The following LPIN1 variants were observed in gnomAD, a reference collection of about 807,000 sequenced individuals.
The protein encoded by LPIN1 is lipin 1.
LPIN1 carries 71 observed loss-of-function variants against 107.5 expected under a neutral mutation model. That is an observed-to-expected ratio of 0.66 (90% CI 0.55 to 0.80). LPIN1 has a LOEUF of 0.80. Ranked by LOEUF, LPIN1 falls within the 30% of genes least tolerant of loss-of-function variation. LPIN1 has a pLI of 0.00. For missense variants in LPIN1, 1,043 were observed against 1,160.6 expected (o/e 0.90, Z 1.47); for synonymous variants, 445 against 452.6 (o/e 0.98, Z 0.21).
chr2:11,781,733 G>A (rs932839868), intron 7 of LPIN1, among the ~76,000 whole-genome samples: 1 of 152,194 alleles, frequency 6.6e-6, no homozygotes, highest in Non-Finnish European at 1.5e-5. Flanking sequence ...CCGAGAAGCA[G>A]AGCATGACCA....
chr2:11,690,868 G>A (rs1662233617), intron 1 of LPIN1, among the ~76,000 whole-genome samples: 1 of 151,932 alleles, frequency 6.6e-6, no homozygotes, highest in East Asian at 1.9e-4. Context: ...TCTTTTTAAT[G>A]GAGGTTATTC....
At chr2:11,685,662 C>G (rs1164701167) in intron 1 of LPIN1, among the ~76,000 whole-genome samples, 1 of 152,158 alleles carries the variant, frequency 6.6e-6, no homozygotes, top group Non-Finnish European at 1.5e-5. Flanking sequence ...GTTACCGAGT[C>G]CCCCCAGAGG....
In LPIN1 at chr2:11,802,991, T is replaced by C. The variant is rs200704636; in HGVS notation, c.1971T>C (p.Asn657=). The change falls in exon 15 of 21, where the codon AAT becomes AAC. Residue 657 remains asparagine (N), a synonymous_variant. Coordinates refer to ENST00000674199, the MANE Select transcript of LPIN1 (RefSeq NM_001349206.2). ...CAGGCCACCTCCCTCTTCTGCCTAA[T>C]GTCAGCTACAAGAAGACTCTCCGGC... The part of the protein sequence containing the change: ...SNAGHLPLLP[N]VSYKKTLRLT... 9 of 1,613,148 alleles carry C rather than the reference T, an allele frequency of 5.6e-6. No homozygotes were observed. Among genetic ancestry groups the C allele is most frequent in the Non-Finnish European group, 7.6e-6 (9 of 1,180,020 alleles).
chr2:11,759,755 G>T (rs1281616498), intron 1 of LPIN1, among the ~76,000 whole-genome samples: 1 of 151,560 alleles, frequency 6.6e-6, no homozygotes, highest in African/African-American at 2.4e-5. Context: ...CAGAAGGGGC[G>T]GCTGGGCAGA....
chr2:11,737,076 G>A (rs1665860690), intron 1 of LPIN1, among the ~76,000 whole-genome samples: 1 of 152,074 alleles, frequency 6.6e-6, no homozygotes, highest in South Asian at 2.1e-4. Context: ...TAGAAGTGAG[G>A]GTGTGACATC....
At chr2:11,735,379 T>G (rs1357110421) in intron 1 of LPIN1, among the ~76,000 whole-genome samples, 1 of 152,056 alleles carries the variant, frequency 6.6e-6, no homozygotes, top group Non-Finnish European at 1.5e-5. Flanking sequence ...TTTAGGTGTA[T>G]GTGGTTTTGT....
At chr2:11,784,080 G>T in intron 9 of LPIN1, 158 bp downstream of exon 9, 1 of 1,257,124 alleles carries the variant, frequency 8.0e-7, no homozygotes, top group Non-Finnish European at 1.1e-6. Flanking sequence ...TGAGGTGGGC[G>T]GATCACTTGA....
chr2:11,741,364 G>A, exon 2 of LPIN1: 2 of 1,549,096 alleles, frequency 1.3e-6, no homozygotes, highest in Middle Eastern at 1.7e-4. Context: ...TCTGAAGCGT[G>A]AGCTGCCAGA....
intron 1 of LPIN1, among the ~76,000 whole-genome samples, chr2:11,696,936 C>A (rs1271102976): frequency 6.6e-6 from 1 of 152,200 alleles, no homozygotes. Flanking sequence ...TGTGCTCCTG[C>A]GTCTCTCTGT....
At chr2:11,815,330 ACTGGTCTT>A in intron 18 of LPIN1, 90 bp downstream of exon 18, 2 of 1,461,350 alleles carry the variant, frequency 1.4e-6, no homozygotes, top group Non-Finnish European at 9.4e-7. Context: ...TAGCCTCCTC[ACTGGTCTT>A]CTGCCCCAAT....
Position 11,693,822 on chromosome 2 carries a change from ATTTTTTTT to A in LPIN1, c.81+16117_81+16124del, listed in dbSNP as rs34409476. ...TATATATATATATATATATATATAT[ATTTTTTTT>A]TTTTTTTTTTTTTTTTTTTTTTGAG... On this transcript the variant is annotated intron_variant, in intron 1 of 21. Coordinates refer to the LPIN1 transcript ENST00000449576. Among the ~76,000 whole-genome samples the A allele has an allele frequency of 6.2e-3, 116 of 18,818 alleles. 1 individual carries two copies. Among genetic ancestry groups the A allele is most frequent in the South Asian group, 0.031 (8 of 256 alleles). 12.3% of individuals were successfully genotyped at this position (18,818 alleles called of 152,430 possible). A position where few individuals can be genotyped will look rare whatever the true frequency, so the allele number is the denominator to read the frequency against.
rs139088281 is a variant in LPIN1, at chr2:11,810,757, G to A, written c.2250-4331G>A. 2.6e-3 allele frequency among the ~76,000 whole-genome samples: 396 copies of A among 152,324 alleles called. 1 individual carries two copies. Among genetic ancestry groups the A allele is most frequent in the African/African-American group, 5.7e-3 (238 of 41,568 alleles). ...TATCTGATGAGGTGGCATCGTGGGGGCCTCGGTCCCCAACAGACACTCCTC... is the reference window on the plus strand; with the variant it reads ...TATCTGATGAGGTGGCATCGTGGGGACCTCGGTCCCCAACAGACACTCCTC... On this transcript the variant is annotated intron_variant, in intron 17 of 20. Coordinates refer to ENST00000674199, the MANE Select transcript of LPIN1 (RefSeq NM_001349206.2).
intron 3 of LPIN1, 70 bp downstream of exon 3, chr2:11,767,928 G>C: frequency 9.9e-7 from 1 of 1,008,938 alleles, no homozygotes; most frequent in Admixed American, 1.7e-5. Context: ...CTGGAAACAC[G>C]GCAGAAGTTT....
chr2:11,797,356 A>T (rs1438199437), intron 14 of LPIN1, among the ~76,000 whole-genome samples: 1 of 152,222 alleles, frequency 6.6e-6, no homozygotes, highest in African/African-American at 2.4e-5. Context: ...TGAGAAAATG[A>T]TCCAGAGTGC....
intron 1 of LPIN1, among the ~76,000 whole-genome samples, chr2:11,708,795 A>G (rs1464873019): frequency 2.6e-5 from 4 of 152,126 alleles, no homozygotes; most frequent in Admixed American, 6.5e-5. Context: ...TCCACCTCTC[A>G]ATGGGAGGAA....
chr2:11,763,959 A>G (rs1161512454), intron 1 of LPIN1, among the ~76,000 whole-genome samples: 4 of 108,726 alleles, frequency 3.7e-5, no homozygotes, highest in Non-Finnish European at 7.5e-5. Flanking sequence ...ACTGACATAT[A>G]TTTTAGTGTG....
rs1452873692 is a variant in LPIN1 at position 11,826,077 on chromosome 2, T to C, written c.*1286T>C. On this transcript the variant is annotated 3_prime_UTR_variant, in exon 21 of 21. Coordinates refer to ENST00000674199, the MANE Select transcript of LPIN1 (RefSeq NM_001349206.2). ...TACACTGGCTCGTGGACAGAACAAT[T>C]TGAAAAGTGAAAGAATTATTTTGGT... 6.6e-6 allele frequency: 1 copy of C among 152,658 alleles called. No individual in the cohort carries two copies. The highest frequency in any genetic ancestry group is 1.5e-5 in the Non-Finnish European group (1 of 68,048). 9.5% of individuals were successfully genotyped at this position (152,658 alleles called of 1,614,324 possible). A position where few individuals can be genotyped will look rare whatever the true frequency, so the allele number is the denominator to read the frequency against.
intron 20 of LPIN1, 133 bp downstream of exon 20, chr2:11,820,647 G>A (rs752673499): frequency 1.7e-4 from 113 of 668,576 alleles, no homozygotes; most frequent in Non-Finnish European, 2.8e-4. Flanking sequence ...ATGAAAAAAT[G>A]TATTTTAACT....
chr2:11,704,877 G>A (rs982906688), intron 1 of LPIN1, among the ~76,000 whole-genome samples: 1 of 152,202 alleles, frequency 6.6e-6, no homozygotes, highest in Admixed American at 6.5e-5. Flanking sequence ...GTGAACACTG[G>A]ACACTGGGGA....
Sources: allele counts gnomAD v4.1 joint callset (sites outside exome capture counted in the v4.1 genomes callset), GRCh38; gene constraint gnomAD v4.1.1; transcripts MANE v1.5; gene names NCBI Gene and HGNC (gene_info 2026-07-23, HGNC 2026-07-21).